The following PRKCB variants were observed in gnomAD, a reference collection of about 807,000 sequenced individuals.
PRKCB encodes protein kinase C beta type.
A neutral mutation model predicts 81.5 loss-of-function variants in PRKCB; 13 were observed. The ratio of observed to expected loss-of-function variants is 0.16; its 90% CI spans 0.10 to 0.25. The LOEUF is 0.25. PRKCB is among the 10% of genes least tolerant of loss of function. The pLI is 1.00. For synonymous variants in PRKCB, 335 were observed against 321.4 expected (o/e 1.04, Z -0.45); for missense variants, 509 against 875.7 (o/e 0.58, Z 5.29).
chr16:24,129,813 A>G (rs1297710112), intron 9 of PRKCB, among the ~76,000 whole-genome samples: 2 of 152,210 alleles, frequency 1.3e-5, no homozygotes, highest in Non-Finnish European at 2.9e-5. Context: ...GCAATATAAA[A>G]TGTGTATAGA....
chr16:23,981,410 A>G (rs942066476), intron 2 of PRKCB, among the ~76,000 whole-genome samples: 4 of 152,078 alleles, frequency 2.6e-5, no homozygotes, highest in East Asian at 1.9e-4. Flanking sequence ...CAAGATCCTT[A>G]ATTTAATCAC....
Position 23,898,061 on chromosome 16 carries a change from C to T in PRKCB, c.205+60655C>T, listed in dbSNP as rs960918612. On this transcript the variant is annotated intron_variant, in intron 2 of 16. Coordinates refer to ENST00000643927, the MANE Select transcript of PRKCB (RefSeq NM_002738.7). ...TTACAGGCACATGCACCACCATGCC[C>T]GGCTAATTTTTTTTTTTTTTTTGAG... Among the ~76,000 whole-genome samples, 21 of 137,406 alleles carry T rather than the reference C, an allele frequency of 1.5e-4. No individual in the cohort carries two copies. In the Middle Eastern group the frequency reaches 0.019, roughly 124 times the overall value. 90.1% of individuals were successfully genotyped at this position (137,406 alleles called of 152,430 possible). A position where few individuals can be genotyped will look rare whatever the true frequency, so the allele number is the denominator to read the frequency against.
intron 2 of PRKCB, among the ~76,000 whole-genome samples, chr16:23,888,703 T>C (rs2141115031): frequency 6.6e-6 from 1 of 152,274 alleles, no homozygotes; most frequent in South Asian, 2.1e-4. Context: ...CTTCCCTGGG[T>C]TGGCCAGGGC....
intron 2 of PRKCB, among the ~76,000 whole-genome samples, chr16:23,838,417 T>A (rs1363378159): frequency 1.3e-5 from 2 of 152,238 alleles, no homozygotes; most frequent in African/African-American, 4.8e-5. Flanking sequence ...CATTTAAGTT[T>A]GCAACCTCTC....
chr16:23,894,221 TG>T lies in PRKCB; in HGVS notation c.205+56816del, dbSNP rs539727024. ...TTTCAAGTTTTGGTTGCATCACATTTGCTTCTGTCCCATAGGCCAAAGCATG... is the reference window on the plus strand; with the variant it reads ...TTTCAAGTTTTGGTTGCATCACATTTCTTCTGTCCCATAGGCCAAAGCATG... On this transcript the variant is annotated intron_variant, in intron 2 of 16. Transcript: ENST00000643927. 1.1e-4 allele frequency among the ~76,000 whole-genome samples: 17 copies of T among 152,326 alleles called. No homozygotes were observed. The East Asian group carries it at 3.3e-3, about 29-fold the overall frequency.
intron 16 of PRKCB, among the ~76,000 whole-genome samples, chr16:24,201,345 G>C (rs562952602): frequency 5.9e-5 from 9 of 152,148 alleles, no homozygotes; most frequent in Non-Finnish European, 1.0e-4. Context: ...AACAATGCCA[G>C]CAGGGAAACA....
chr16:24,188,483 ATCC>A (rs1015120252), intron 15 of PRKCB, among the ~76,000 whole-genome samples: 75 of 152,250 alleles, frequency 4.9e-4, no homozygotes, highest in African/African-American at 1.7e-3. Context: ...TTTGCTTGGC[ATCC>A]TCCTGCTTAG....
At position 24,216,165 on chromosome 16, in the gene PRKCB, G is replaced by T. The variant is rs1173129257; in HGVS notation, c.*1349G>T. On this transcript the variant is annotated 3_prime_UTR_variant, in exon 17 of 17. Transcript: ENST00000643927. ...GCCACTCGGAGGGGCGGGGGCTGTG[G>T]CCCATTCAGGGGCTGCTGGTGGGCT... 1 of 985,372 alleles carries T rather than the reference G, an allele frequency of 1.0e-6. No homozygotes were observed. Among genetic ancestry groups the T allele is most frequent in the Non-Finnish European group, 1.2e-6 (1 of 830,014 alleles). The allele number at this position is 985,372 out of a possible 1,614,324, so 61.0% of individuals were successfully genotyped here.
intron 12 of PRKCB, among the ~76,000 whole-genome samples, chr16:24,179,844 G>T (rs1272096243): frequency 6.6e-6 from 1 of 152,042 alleles, no homozygotes; most frequent in African/African-American, 2.4e-5. Flanking sequence ...CTTTTTCCCA[G>T]CACTGAAATT....
intron 2 of PRKCB, 113 bp from the exon 3 acceptor site, chr16:23,988,395 G>T: frequency 1.3e-6 from 1 of 790,594 alleles, no homozygotes. Context: ...TTGGCATAAA[G>T]GCTTTACTTG....
At chr16:24,123,814 C>A (rs1327278175) in intron 8 of PRKCB, 21 bp from the exon 9 acceptor site, 1 of 1,612,800 alleles carries the variant, frequency 6.2e-7, no homozygotes, top group Non-Finnish European at 8.5e-7. Flanking sequence ...AGCATGTTTT[C>A]TGTGTGCTTC....
At chr16:23,986,534 G>A (rs1423392195) in intron 2 of PRKCB, among the ~76,000 whole-genome samples, 2 of 152,128 alleles carry the variant, frequency 1.3e-5, no homozygotes, top group Non-Finnish European at 2.9e-5. Context: ...TTACAGATGT[G>A]AGCCACCACA....
At chr16:23,939,685 T>G (rs1170563373) in intron 2 of PRKCB, among the ~76,000 whole-genome samples, 1 of 152,208 alleles carries the variant, frequency 6.6e-6, no homozygotes, top group Non-Finnish European at 1.5e-5. Context: ...AGTCTTGCAC[T>G]TTATACAAAA....
chr16:24,182,902 T>TGTGTGTGTGTGTGTGTGTGTGTG (rs56902454), intron 13 of PRKCB, among the ~76,000 whole-genome samples: 60 of 151,488 alleles, frequency 4.0e-4, no homozygotes, highest in African/African-American at 4.9e-4. Flanking sequence ...TGTGTGTGTG[T>TGTGTGTGTGTGTGTGTGTGTGTG]TTGAGACAGG....
chr16:23,937,200 A>G (rs1040073076), intron 2 of PRKCB, among the ~76,000 whole-genome samples: 3 of 152,186 alleles, frequency 2.0e-5, no homozygotes, highest in African/African-American at 4.8e-5. Flanking sequence ...CCTGAGCCCT[A>G]TTAGACTCTT....
intron 7 of PRKCB, among the ~76,000 whole-genome samples, chr16:24,102,398 T>TGGATTCTTGCCCCTG (rs1468190780): frequency 6.6e-6 from 1 of 152,266 alleles, no homozygotes; most frequent in Non-Finnish European, 1.5e-5. Context: ...CCTAGACATT[T>TGGATTCTTGCCCCTG]GGATTCTTGC....
intron 7 of PRKCB, among the ~76,000 whole-genome samples, chr16:24,111,710 A>G (rs1177878751): frequency 6.6e-6 from 1 of 151,690 alleles, no homozygotes; most frequent in Non-Finnish European, 1.5e-5. Context: ...AGGCCGGAGG[A>G]TTGTTTGAGC....
intron 9 of PRKCB, among the ~76,000 whole-genome samples, chr16:24,125,852 G>T (rs1347154434): frequency 6.6e-6 from 1 of 152,192 alleles, no homozygotes; most frequent in African/African-American, 2.4e-5. Flanking sequence ...CATGGGATGG[G>T]AATAGAGAGT....
intron 2 of PRKCB, among the ~76,000 whole-genome samples, chr16:23,847,006 G>A (rs1962381148): frequency 6.6e-6 from 1 of 152,048 alleles, no homozygotes; most frequent in Non-Finnish European, 1.5e-5. Context: ...TACAGAGTCA[G>A]GAGGAGAACT....
Sources: allele counts gnomAD v4.1 joint callset (sites outside exome capture counted in the v4.1 genomes callset), GRCh38; gene constraint gnomAD v4.1.1; transcripts MANE v1.5; gene names NCBI Gene and HGNC (gene_info 2026-07-23, HGNC 2026-07-21).